The following PCNX1 variants were observed in gnomAD, a reference collection of about 807,000 sequenced individuals.
PCNX1 encodes pecanex-like protein 1.
PCNX1 carries 78 observed loss-of-function variants against 242.2 expected under a neutral mutation model. The ratio of observed to expected loss-of-function variants is 0.32; its 90% CI spans 0.27 to 0.39. The LOEUF is 0.39. PCNX1 is among the 10% of genes least tolerant of loss of function. PCNX1 has a pLI of 1.00. For missense variants in PCNX1, 2,581 were observed against 2,856.5 expected, an observed-to-expected ratio of 0.90 and a Z score of 2.20; for synonymous variants, 1,024 against 1,032.9, an observed-to-expected ratio of 0.99 and a Z score of 0.17.
intron 1 of PCNX1, among the ~76,000 whole-genome samples, chr14:70,910,229 T>TTCTCCTCCTCCTTCTC (rs2055833620): frequency 1.4e-5 from 1 of 69,476 alleles, no homozygotes; most frequent in Non-Finnish European, 3.2e-5. Flanking sequence ...CTCCTCCTCC[T>TTCTCCTCCTCCTTCTC]CTCACCAGCA....
At chr14:70,913,566 C>A (rs1229544655) in intron 1 of PCNX1, among the ~76,000 whole-genome samples, 1 of 152,136 alleles carries the variant, frequency 6.6e-6, no homozygotes, top group Non-Finnish European at 1.5e-5. Context: ...AAATCATTAA[C>A]AAAATTTATA....
At chr14:71,068,124 C>G (rs962964641) in intron 26 of PCNX1, among the ~76,000 whole-genome samples, 24 of 151,740 alleles carry the variant, frequency 1.6e-4, no homozygotes, top group African/African-American at 5.8e-4. Flanking sequence ...GTTTGGAGTT[C>G]GAGACCAGCC....
At chr14:71,059,645 G>T (rs886675790) in intron 26 of PCNX1, among the ~76,000 whole-genome samples, 1 of 152,012 alleles carries the variant, frequency 6.6e-6, no homozygotes, top group African/African-American at 2.4e-5. Flanking sequence ...CTCCAGCCTT[G>T]ACCTCCCAAA....
chr14:70,922,472 A>G (rs1207805885), intron 1 of PCNX1, among the ~76,000 whole-genome samples: 1 of 152,156 alleles, frequency 6.6e-6, no homozygotes, highest in Non-Finnish European at 1.5e-5. Context: ...TTAAGGTTAT[A>G]TAATAAAAAT....
chr14:71,061,198 G>GT (rs1260339106), intron 26 of PCNX1, among the ~76,000 whole-genome samples: 4 of 152,142 alleles, frequency 2.6e-5, no homozygotes, highest in African/African-American at 9.7e-5. Context: ...AACGTTGCAG[G>GT]TTACAAATGG....
At chr14:71,011,659 A>AT (rs926648798) in intron 10 of PCNX1, 110 bp downstream of exon 10, 2 of 700,714 alleles carry the variant, frequency 2.9e-6, no homozygotes, top group African/African-American at 3.7e-5. Context: ...TTACACAAAA[A>AT]TTTTTTGAAA....
chr14:70,992,080 T>G (rs866795091), intron 7 of PCNX1, among the ~76,000 whole-genome samples: 254 of 152,212 alleles, frequency 1.7e-3, no homozygotes, highest in African/African-American at 5.9e-3. Flanking sequence ...ATTTAAAAAA[T>G]TGTGCGCTTT....
chr14:70,969,300 G>A, intron 5 of PCNX1, 190 bp downstream of exon 5: 1 of 501,684 alleles, frequency 2.0e-6, no homozygotes, highest in South Asian at 2.5e-5. Flanking sequence ...CTTGAACTCA[G>A]TTATACATGT....
At chr14:71,020,948 G>A (rs372222705) in intron 12 of PCNX1, among the ~76,000 whole-genome samples, 10 of 152,158 alleles carry the variant, frequency 6.6e-5, no homozygotes, top group Admixed American at 3.3e-4. Flanking sequence ...TAAGGTGTAA[G>A]GAAGGGGTCC....
At chr14:71,006,614 A>G (rs975147657) in intron 8 of PCNX1, among the ~76,000 whole-genome samples, 1 of 152,184 alleles carries the variant, frequency 6.6e-6, no homozygotes, top group Admixed American at 6.5e-5. Context: ...GTAACGGCAT[A>G]TTTTACTTCA....
At chr14:71,097,163 C>G (rs999915642) in intron 30 of PCNX1, among the ~76,000 whole-genome samples, 12 of 152,096 alleles carry the variant, frequency 7.9e-5, no homozygotes, top group Admixed American at 3.9e-4. Flanking sequence ...TTTATGGCTG[C>G]GTAGTATTCC....
At chr14:70,962,369 C>A in intron 3 of PCNX1, 38 bp downstream of exon 3, 1 of 1,078,910 alleles carries the variant, frequency 9.3e-7, no homozygotes, top group Non-Finnish European at 1.4e-6. Context: ...CTTTTTCCCT[C>A]CTCCTGATGG....
chr14:71,109,814 C>T lies in PCNX1; in HGVS notation c.6905C>T (p.Pro2302Leu). Residue 2302 changes from proline to leucine, a missense_variant, in exon 36 of 36, where the codon CCT (proline) becomes CTT (leucine). Around this residue, in one of 9 missense-constraint regions of PCNX1, gnomAD observed 432 missense variants for 433.6 expected, o/e 1.00. Transcript: ENST00000304743. ...MEGHVIHRWV[P>L]CSRDPGTRSH... is the part of the protein sequence containing the mutation. The stretch of plus-strand genomic sequence containing the variant: ...CATTAGGTGATTCACCGATGGGTGC[C>T]TTGCAGCAGAGATCCAGGTACCAGA... 6.2e-7 allele frequency: 1 copy of T among 1,613,864 alleles called. No homozygotes were observed. The highest frequency in any genetic ancestry group is 8.5e-7 in the Non-Finnish European group (1 of 1,179,826).
intron 28 of PCNX1, among the ~76,000 whole-genome samples, chr14:71,083,396 C>T (rs1303992658): frequency 6.6e-6 from 1 of 151,880 alleles, no homozygotes; most frequent in African/African-American, 2.4e-5. Flanking sequence ...TGAATGTTGG[C>T]CTGTCTTGCT....
intron 22 of PCNX1, among the ~76,000 whole-genome samples, chr14:71,048,432 C>A (rs1271911577): frequency 6.6e-6 from 1 of 152,110 alleles, no homozygotes; most frequent in Non-Finnish European, 1.5e-5. Flanking sequence ...TAGGCTTCTG[C>A]TAAAATTCAT....
chr14:70,979,747 A>G (rs977688991), intron 6 of PCNX1, among the ~76,000 whole-genome samples: 2 of 152,094 alleles, frequency 1.3e-5, no homozygotes, highest in African/African-American at 4.8e-5. Context: ...AAAAGTCCAT[A>G]TTGTGGTAAA....
intron 8 of PCNX1, among the ~76,000 whole-genome samples, chr14:71,006,395 A>AT (rs531963609): frequency 1.9e-4 from 28 of 151,204 alleles, no homozygotes; most frequent in Non-Finnish European, 1.8e-4. Context: ...TTAGAAACTG[A>AT]TTTTTTTTTC....
intron 3 of PCNX1, among the ~76,000 whole-genome samples, chr14:70,966,644 G>T (rs1031743181): frequency 6.6e-6 from 1 of 152,142 alleles, no homozygotes; most frequent in Admixed American, 6.5e-5. Context: ...ACCAATTTTG[G>T]AACAAAATAG....
rs778087105 is a variant in PCNX1 at position 71,109,804 on chromosome 14, C to CGAT, written c.6897_6899dup (p.Arg2299_Trp2300insTer). 6.2e-7 allele frequency: 1 copy of CGAT among 1,613,584 alleles called. No homozygotes were observed. The highest frequency in any genetic ancestry group is 8.5e-7 in the Non-Finnish European group (1 of 1,179,642). ...TATTCTGAATCATTAGGTGATTCAC[C>CGAT]GATGGGTGCCTTGCAGCAGAGATCC... On this transcript the variant is annotated stop_gained and inframe_insertion, in exon 36 of 36. Transcript: ENST00000304743. LOFTEE classifies it high-confidence loss of function.
Sources: gnomAD v4.1 joint callset for allele counts (sites outside exome capture counted in the v4.1 genomes callset) on GRCh38, gnomAD v4.1.1 for gene constraint, gnomAD v4.1.1 regional missense constraint, MANE v1.5 for transcripts, NCBI Gene and HGNC (gene_info 2026-07-23, HGNC 2026-07-21) for gene names.